The following PRKDC variants were observed in gnomAD, a reference collection of about 807,000 sequenced individuals.
The protein encoded by PRKDC is protein kinase, DNA-activated, catalytic subunit.
A neutral mutation model predicts 486.9 loss-of-function variants in PRKDC; 82 were observed. That is an observed-to-expected ratio of 0.17 (90% confidence interval 0.14 to 0.20). The LOEUF (loss-of-function observed/expected upper bound fraction) is 0.20, where lower values mean the gene tolerates loss of function less well. Among genes scored for constraint, PRKDC ranks in the 10% least tolerant of loss-of-function variants. PRKDC has a pLI of 1.00. For synonymous variants in PRKDC, 1,895 were observed against 1,837.0 expected, an observed-to-expected ratio of 1.03 and a Z score of -0.81; for missense variants, 4,504 against 5,038.2, an observed-to-expected ratio of 0.89 and a Z score of 3.21.
At chr8:47,803,845 C>A (rs2087160293) in intron 69 of PRKDC, among the ~76,000 whole-genome samples, 1 of 149,998 alleles carries the variant, frequency 6.7e-6, no homozygotes, top group African/African-American at 2.5e-5. Flanking sequence ...CTACTCTGGA[C>A]ACTAAGGTAG....
rs776949963 is a variant in PRKDC at position 47,826,776 on chromosome 8, A to G, written c.8663T>C (p.Val2888Ala). 1.2e-6 allele frequency: 2 copies of G among 1,611,696 alleles called. No individual in the cohort carries two copies. The highest frequency in any genetic ancestry group is 2.2e-5 in the South Asian group (2 of 90,570). ...AGCCTCCTCTAGCAGGCGGATGCCCACGGGCTGCTGTAGGCTGGCCAGGCA... is the reference window on the plus strand; with the variant it reads ...AGCCTCCTCTAGCAGGCGGATGCCCGCGGGCTGCTGTAGGCTGGCCAGGCA... Reference protein sequence around the residue: ...AGCLASLQQPVGIRLLEEALL... With the variant: ...AGCLASLQQPAGIRLLEEALL... The change falls in exon 63 of 86, where the codon GTG (valine) becomes GCG (alanine). Residue 2888 changes from valine to alanine, a missense_variant. This residue lies in a region of PRKDC where 1,592 missense variants were observed against 1,724.6 expected (regional missense o/e 0.92). Transcript: ENST00000314191.
chr8:47,879,355 G>A (rs1485342031), intron 39 of PRKDC, 136 bp downstream of exon 39: 5 of 757,694 alleles, frequency 6.6e-6, no homozygotes, highest in Non-Finnish European at 1.0e-5. Context: ...TGTGTAGAAA[G>A]AACATTTTGA....
In PRKDC at chr8:47,897,283, G is replaced by C. The variant is rs752542371; in HGVS notation, c.3476C>G (p.Pro1159Arg). 2.5e-6 allele frequency: 4 copies of C among 1,592,934 alleles called. No individual in the cohort carries two copies. The highest frequency in any genetic ancestry group is 3.4e-6 in the Non-Finnish European group (4 of 1,163,860). The change falls in exon 30 of 86, where the codon CCT becomes CGT. Residue 1159 changes from proline to arginine, a missense_variant. Pro to Arg is a moderately radical substitution (Grantham distance 103, BLOSUM62 -2). Around this residue, in one of 6 missense-constraint regions of PRKDC, gnomAD observed 1,969 missense variants for 2,068.9 expected, o/e 0.95. Transcript: ENST00000314191. Reference protein sequence around the residue: ...KKRRLPRGFPPSASLCLLDLV... With the variant: ...KKRRLPRGFPRSASLCLLDLV... ...ATCCAATAAACACAATGATGCGGAA[G>C]GTGGAAATCCTCTGCACAGAGACAG...
At position 47,777,561 on chromosome 8, in the gene PRKDC, G is replaced by T. The variant is rs901048437; in HGVS notation, c.12042+125C>A. On this transcript the variant is annotated intron_variant, in intron 84 of 85. Transcript: ENST00000314191. Reference sequence around the variant, plus strand: ...CTAAATACTAACTTTGAGAAATGCTGTACAAAATAATGTAAATATTTTCAT... The same window carrying T: ...CTAAATACTAACTTTGAGAAATGCTTTACAAAATAATGTAAATATTTTCAT... 10 of 1,120,702 alleles carry T rather than the reference G, an allele frequency of 8.9e-6. No homozygotes were observed. In the African/African-American group the frequency reaches 1.6e-4, roughly 17 times the overall value. The allele number at this position is 1,120,702 out of a possible 1,614,324, so 69.4% of individuals were successfully genotyped here.
At chr8:47,916,418 G>A (rs867790035) in intron 22 of PRKDC, among the ~76,000 whole-genome samples, 10 of 151,486 alleles carry the variant, frequency 6.6e-5, no homozygotes, top group African/African-American at 1.9e-4. Flanking sequence ...GCAACGTAGC[G>A]AGACTCCATC....
At chr8:47,783,706 C>G in intron 78 of PRKDC, 36 bp downstream of exon 78, 2 of 1,608,358 alleles carry the variant, frequency 1.2e-6, no homozygotes, top group Non-Finnish European at 1.7e-6. Context: ...GAACGTTCAT[C>G]AGGACAGGGA....
At chr8:47,928,141 A>G (rs1275502315) in intron 19 of PRKDC, among the ~76,000 whole-genome samples, 8 of 151,134 alleles carry the variant, frequency 5.3e-5, no homozygotes, top group African/African-American at 1.9e-4. Flanking sequence ...TTATGTTAAG[A>G]GAGCTTGAGG....
At chr8:47,809,804 C>A (rs939645038) in intron 68 of PRKDC, among the ~76,000 whole-genome samples, 1 of 152,118 alleles carries the variant, frequency 6.6e-6, no homozygotes, top group Admixed American at 6.6e-5. Context: ...TGTATGTATG[C>A]GCAGGGAAAT....
Position 47,773,181 on chromosome 8 carries a change from A to C in PRKDC, c.*992T>G. On this transcript the variant is annotated 3_prime_UTR_variant, in exon 86 of 86. Coordinates refer to ENST00000314191, the MANE Select transcript of PRKDC (RefSeq NM_006904.7). ...AATCACAGAAGAGCCTCCAAATACA[A>C]GTGTTAGAAGGAAAAAAAAAAACAA... is the stretch of plus-strand genomic sequence containing the variant. 4.7e-6 allele frequency: 1 copy of C among 214,200 alleles called. No individual in the cohort carries two copies. The highest frequency in any genetic ancestry group is 9.5e-6 in the Non-Finnish European group (1 of 104,908). The allele number at this position is 214,200 out of a possible 1,614,324, so 13.3% of individuals were successfully genotyped here.
chr8:47,790,725 A>G (rs2086868222), intron 74 of PRKDC, among the ~76,000 whole-genome samples: 1 of 152,222 alleles, frequency 6.6e-6, no homozygotes, highest in Non-Finnish European at 1.5e-5. Flanking sequence ...ACATAAGCCA[A>G]TGGAACAGAA....
chr8:47,821,840 A>T, intron 64 of PRKDC, 48 bp from the exon 65 acceptor site: 2 of 1,418,478 alleles, frequency 1.4e-6, no homozygotes, highest in Non-Finnish European at 1.9e-6. Context: ...TGGAAAGAAT[A>T]CCAATGAGAA....
chr8:47,956,071 T>C, intron 3 of PRKDC, 123 bp from the exon 4 acceptor site: 1 of 746,228 alleles, frequency 1.3e-6, no homozygotes, highest in Non-Finnish European at 2.2e-6. Flanking sequence ...CTGTGGAAAA[T>C]ATAACATTAG....
intron 51 of PRKDC, among the ~76,000 whole-genome samples, chr8:47,853,431 C>T (rs760470645): frequency 5.3e-5 from 8 of 152,160 alleles, no homozygotes; most frequent in African/African-American, 1.7e-4. Flanking sequence ...GCAGGGCAGG[C>T]GGAAACCCAG....
At position 47,878,200 on chromosome 8, in the gene PRKDC, G is replaced by A. The variant is rs543926840; in HGVS notation, c.5236-349C>T. Among the ~76,000 whole-genome samples, 3 of 151,180 alleles carry A rather than the reference G, an allele frequency of 2.0e-5. No homozygotes were observed. In the East Asian group the frequency reaches 5.9e-4, roughly 30 times the overall value. On this transcript the variant is annotated intron_variant, in intron 39 of 85. Transcript: ENST00000314191. Reference sequence around the variant, plus strand: ...GCTCACTGCAAACTCCGCCTCCCAGGTTTCACGCCATTATCCTGCCTCAGC... The same window carrying A: ...GCTCACTGCAAACTCCGCCTCCCAGATTTCACGCCATTATCCTGCCTCAGC...
chr8:47,872,127 A>G (rs905198111), intron 40 of PRKDC, among the ~76,000 whole-genome samples: 3 of 152,222 alleles, frequency 2.0e-5, no homozygotes, highest in Non-Finnish European at 2.9e-5. Flanking sequence ...AAACGTTTAA[A>G]AAGCGGAAGA....
intron 61 of PRKDC, among the ~76,000 whole-genome samples, chr8:47,829,803 C>G (rs2087822860): frequency 6.6e-6 from 1 of 152,146 alleles, no homozygotes; most frequent in African/African-American, 2.4e-5. Flanking sequence ...GAAACACATT[C>G]CATATTCACG....
chr8:47,906,599 C>T (rs2089786398), intron 25 of PRKDC, among the ~76,000 whole-genome samples: 1 of 150,804 alleles, frequency 6.6e-6, no homozygotes, highest in Non-Finnish European at 1.5e-5. Context: ...TCCCACTGCA[C>T]TCCAGACACA....
chr8:47,808,591 C>T (rs566342667), intron 68 of PRKDC, among the ~76,000 whole-genome samples: 14 of 152,256 alleles, frequency 9.2e-5, no homozygotes, highest in African/African-American at 3.4e-4. Flanking sequence ...CCTCCTGCCT[C>T]AGCCTCCCAA....
At chr8:47,935,638 C>T (rs771860433) in intron 13 of PRKDC, 94 bp downstream of exon 13, 12 of 1,373,332 alleles carry the variant, frequency 8.7e-6, no homozygotes, top group South Asian at 3.6e-5. Context: ...GTCAAAGATA[C>T]AAAAGAATTT....
Sources: allele counts gnomAD v4.1 joint callset (sites outside exome capture counted in the v4.1 genomes callset), GRCh38; gene constraint gnomAD v4.1.1; regional missense constraint gnomAD v4.1.1; transcripts MANE v1.5; gene names NCBI Gene and HGNC (gene_info 2026-07-23, HGNC 2026-07-21).